AANAT: variants seen among roughly 807,000 people sequenced by gnomAD.
AANAT encodes serotonin N-acetyltransferase.
In AANAT, 11 loss-of-function variants were observed where a neutral mutation model predicts 15.6. That is an observed-to-expected ratio of 0.71 (90% CI 0.44 to 1.17). AANAT has a LOEUF of 1.17. Among genes scored for constraint, AANAT ranks in the 50% most tolerant of loss-of-function variants. The pLI, the probability that AANAT is intolerant of heterozygous loss-of-function variation, is 0.00. For missense variants in AANAT, 286 were observed against 296.3 expected, an observed-to-expected ratio of 0.97 and a Z score of 0.26; for synonymous variants, 139 against 131.5, an observed-to-expected ratio of 1.06 and a Z score of -0.39.
At chr17:76,467,187 C>G (rs2073447341), upstream of AANAT, among the ~76,000 whole-genome samples, 1 of 152,072 alleles carries the variant, frequency 6.6e-6, no homozygotes, top group South Asian at 2.1e-4. Context: ...AGGGCAACCT[C>G]CTGAATATTT....
chr17:76,459,420 T>C (rs1397994334), intron 2 of AANAT: 1 of 152,290 alleles, frequency 6.6e-6, no homozygotes, highest in Non-Finnish European at 1.5e-5. Flanking sequence ...CCCAGAGTTC[T>C]CATCCTGATG....
At chr17:76,455,398 C>T (rs2073334621) in intron 1 of AANAT, among the ~76,000 whole-genome samples, 1 of 152,162 alleles carries the variant, frequency 6.6e-6, no homozygotes, top group Non-Finnish European at 1.5e-5. Context: ...TTGCAGTGAG[C>T]CTAGATCACA....
chr17:76,468,859 G>C lies in AANAT; in HGVS notation c.113G>C (p.Arg38Pro). The C allele has an allele frequency of 6.2e-7, 1 of 1,613,482 alleles. No individual in the cohort carries two copies. The highest frequency in any genetic ancestry group is 8.5e-7 in the Non-Finnish European group (1 of 1,179,972). The change falls in exon 2 of 4, where the codon CGC (arginine) becomes CCC (proline). Residue 38 changes from arginine to proline, a missense_variant. Arg to Pro is a moderately radical substitution (Grantham distance 103). Coordinates refer to ENST00000392492, the MANE Select transcript of AANAT (RefSeq NM_001088.3). ...RRHTLPASEF[R>P]CLTPEDAVSA... ...CACACACTCCCTGCCAGTGAGTTTC[G>C]CTGCCTCACCCCGGAGGACGCTGTC... is the stretch of plus-strand genomic sequence containing the variant.
upstream of AANAT, chr17:76,465,805 C>T (rs1300729844): frequency 3.6e-6 from 1 of 278,914 alleles, no homozygotes; most frequent in Non-Finnish European, 7.1e-6. Flanking sequence ...AGGGTTTGAA[C>T]TTCCCAGTTT....
At chr17:76,461,175 C>A (rs550442966) in intron 2 of AANAT, among the ~76,000 whole-genome samples, 4 of 148,778 alleles carry the variant, frequency 2.7e-5, no homozygotes, top group African/African-American at 9.9e-5. Flanking sequence ...AAAAAAAAAA[C>A]AAAAACAAAA....
upstream of AANAT, chr17:76,465,818 C>G: frequency 3.6e-6 from 1 of 280,814 alleles, no homozygotes; most frequent in Non-Finnish European, 7.0e-6. Flanking sequence ...CCCAGTTTCA[C>G]CATGTTTAAC....
At position 76,458,782 on chromosome 17, in the gene AANAT, C is replaced by T. The variant is rs148880315; in HGVS notation, c.-575-465C>T. On this transcript the variant is annotated intron_variant, in intron 1 of 6. Coordinates refer to the AANAT transcript ENST00000250615. ...CTTGGCCTCTCCATTGCTGTGCAAG[C>T]GATTTCAGCCTGGCCCAAAGAGCTC... Among the ~76,000 whole-genome samples the T allele has an allele frequency of 5.5e-3, 844 of 152,256 alleles. 5 individuals are homozygous for T. Among genetic ancestry groups the T allele is most frequent in the African/African-American group, 0.019 (808 of 41,532 alleles).
At chr17:76,453,367 A>C in exon 1 of AANAT, 1 of 320,720 alleles carries the variant, frequency 3.1e-6, no homozygotes, top group Non-Finnish European at 5.7e-6. Flanking sequence ...TCCACTAAGA[A>C]GGGGCGAGAC....
At chr17:76,466,640 C>G (rs1457611990), upstream of AANAT, among the ~76,000 whole-genome samples, 1 of 152,196 alleles carries the variant, frequency 6.6e-6, no homozygotes, top group Non-Finnish European at 1.5e-5. Flanking sequence ...CCGGCTTTGC[C>G]CCTCCCCCTT....
intron 2 of AANAT, chr17:76,462,215 T>C (rs895749627): frequency 4.0e-5 from 6 of 151,750 alleles, no homozygotes; most frequent in African/African-American, 1.5e-4. Flanking sequence ...GCCAGGAGAG[T>C]GGGGACTGGA....
Position 76,453,629 on chromosome 17 carries a change from T to C in AANAT, c.-729T>C, listed in dbSNP as rs535766425. On this transcript the variant is annotated 5_prime_UTR_variant, in exon 1 of 7. Transcript: ENST00000250615. Reference sequence around the variant, plus strand: ...GTTGGGGAGACAAAACAAATACACATTAAATAGATAACAAACAACTCCAAC... The same window carrying C: ...GTTGGGGAGACAAAACAAATACACACTAAATAGATAACAAACAACTCCAAC... The C allele has an allele frequency of 8.5e-5, 13 of 153,338 alleles. No homozygotes were observed. The East Asian group carries it at 2.5e-3, about 29-fold the overall frequency. The allele number at this position is 153,338 out of a possible 1,614,324, so 9.5% of individuals were successfully genotyped here. A position where few individuals can be genotyped will look rare whatever the true frequency, so the allele number is the denominator to read the frequency against.
At chr17:76,460,129 AATTTTTTTTTTTTTTTTT>A (rs780191450) in intron 2 of AANAT, among the ~76,000 whole-genome samples, 1 of 82,886 alleles carries the variant, frequency 1.2e-5, no homozygotes, top group Non-Finnish European at 2.3e-5. Flanking sequence ...TACTTCAGGA[AATTTTTTTTTTTTTTTTT>A]TTTTTTTTTT....
chr17:76,468,797 A>G lies in AANAT; in HGVS notation c.51A>G (p.Pro17=). The change falls in exon 2 of 4, where the codon CCA becomes CCG. Residue 17 remains proline, a synonymous_variant. Coordinates refer to ENST00000392492, the MANE Select transcript of AANAT (RefSeq NM_001088.3). ...HPLKPEAPRL[P]PGIPESPSCQ... ...TGAAACCTGAGGCCCCACGTCTGCC[A>G]CCTGGGATCCCCGAGTCCCCGAGCT... 1 of 1,613,416 alleles carries G rather than the reference A, an allele frequency of 6.2e-7. No individual in the cohort carries two copies. The highest frequency in any genetic ancestry group is 8.5e-7 in the Non-Finnish European group (1 of 1,179,912).
upstream of AANAT, chr17:76,466,321 G>A: frequency 9.0e-7 from 1 of 1,109,928 alleles, no homozygotes; most frequent in African/African-American, 1.6e-5. Flanking sequence ...GGTCTGTTGA[G>A]GGTCCCTTCT....
In AANAT at chr17:76,455,089, T is replaced by C. The variant is rs552030588; in HGVS notation, c.-576+1307T>C. Among the ~76,000 whole-genome samples, 44 of 152,142 alleles carry C rather than the reference T, an allele frequency of 2.9e-4. No homozygotes were observed. In the East Asian group the frequency reaches 7.4e-3, roughly 25 times the overall value. On this transcript the variant is annotated intron_variant, in intron 1 of 6. Coordinates refer to the AANAT transcript ENST00000250615. Reference sequence around the variant, plus strand: ...TTGTAGTGAGCCTAGATCGCGCCGCTGCACTCCAGCCTGGGCGACAGAGTG... The same window carrying C: ...TTGTAGTGAGCCTAGATCGCGCCGCCGCACTCCAGCCTGGGCGACAGAGTG...
upstream of AANAT, among the ~76,000 whole-genome samples, chr17:76,463,482 A>G (rs1046647063): frequency 5.3e-5 from 8 of 151,604 alleles, no homozygotes; most frequent in Middle Eastern, 3.4e-3. Context: ...TCATTTTTGT[A>G]TTTTTAGTAG....
At chr17:76,461,618 A>G (rs2073389423) in intron 2 of AANAT, among the ~76,000 whole-genome samples, 1 of 151,122 alleles carries the variant, frequency 6.6e-6, no homozygotes, top group Non-Finnish European at 1.5e-5. Context: ...AAAAAAAAAA[A>G]AAAAAAAAAA....
chr17:76,458,586 C>T (rs11077820), intron 1 of AANAT, among the ~76,000 whole-genome samples: 82,655 of 152,062 alleles, frequency 0.54, 24,075 homozygotes, highest in South Asian at 0.67. Context: ...TCTGGCCTCT[C>T]CCCTTGCTAA....
At chr17:76,458,335 G>A (rs2073358104) in intron 1 of AANAT, among the ~76,000 whole-genome samples, 2 of 152,288 alleles carry the variant, frequency 1.3e-5, no homozygotes, top group Admixed American at 6.5e-5. Context: ...CCCAGACCCT[G>A]AGCCCCCAGC....
Sources: gnomAD v4.1 joint callset for allele counts (sites outside exome capture counted in the v4.1 genomes callset) on GRCh38, gnomAD v4.1.1 for gene constraint, MANE v1.5 for transcripts, NCBI Gene and HGNC (gene_info 2026-07-23, HGNC 2026-07-21) for gene names.